TTC23: variants seen among roughly 807,000 people sequenced by gnomAD.
The protein encoded by TTC23 is tetratricopeptide repeat protein 23.
In TTC23, 58 loss-of-function variants were observed where a neutral mutation model predicts 55.1. The ratio of observed to expected loss-of-function variants is 1.05; its 90% confidence interval spans 0.85 to 1.31. The LOEUF (loss-of-function observed/expected upper bound fraction) is 1.31. TTC23 is among the 50% of genes most tolerant of loss of function. The pLI, the probability that TTC23 is intolerant of heterozygous loss-of-function variation, is 0.00. For missense variants in TTC23, 516 were observed against 534.4 expected, an observed-to-expected ratio of 0.97 and a Z score of 0.34; for synonymous variants, 203 against 199.9, an observed-to-expected ratio of 1.02 and a Z score of -0.13.
At chr15:99,164,225 G>T (rs963509471) in intron 10 of TTC23, among the ~76,000 whole-genome samples, 4 of 152,138 alleles carry the variant, frequency 2.6e-5, no homozygotes, top group African/African-American at 9.7e-5. Flanking sequence ...GGCTTTGCAG[G>T]CTGTATGATC....
chr15:99,219,863 A>C lies in TTC23; in HGVS notation c.305-815T>G, dbSNP rs138280056. Among the ~76,000 whole-genome samples the C allele has an allele frequency of 2.5e-3, 374 of 152,334 alleles. 3 individuals are homozygous for C. The highest frequency in any genetic ancestry group is 8.7e-3 in the African/African-American group (363 of 41,572). On this transcript the variant is annotated intron_variant, in intron 6 of 13. Coordinates refer to ENST00000394132, the MANE Select transcript of TTC23 (RefSeq NM_001288615.3). ...AAATTGTATCTTAGATCTCTAAAAA[A>C]ATCTGTCAAAATATGAAGTTAATTC...
chr15:99,145,065 G>T (rs1555492383), intron 12 of TTC23: 1 of 152,218 alleles, frequency 6.6e-6, no homozygotes, highest in African/African-American at 2.4e-5. Context: ...TGGGGGAATT[G>T]AAGGAATAAA....
chr15:99,174,462 C>CAA lies in TTC23; in HGVS notation c.865+586_865+587dup, dbSNP rs34376987. Among the ~76,000 whole-genome samples, 1,287 of 141,066 alleles carry CAA rather than the reference C, an allele frequency of 9.1e-3. 3 individuals carry two copies. The highest frequency in any genetic ancestry group is 0.013 in the African/African-American group (494 of 38,478). The allele number at this position is 141,066 out of a possible 152,430, so 92.5% of individuals were successfully genotyped here. Reference sequence around the variant, plus strand: ...GTACTCCATTTCTGAATATTATGACCAAAAAAAAAAAAAAATCATTAGTAC... The same window carrying CAA: ...GTACTCCATTTCTGAATATTATGACCAAAAAAAAAAAAAAAAATCATTAGTAC... On this transcript the variant is annotated intron_variant, in intron 10 of 13. Coordinates refer to ENST00000394132, the MANE Select transcript of TTC23 (RefSeq NM_001288615.3).
intron 8 of TTC23, 21 bp from the exon 9 acceptor site, chr15:99,200,117 A>C (rs759553800): frequency 7.2e-6 from 11 of 1,537,006 alleles, no homozygotes; most frequent in Non-Finnish European, 9.6e-6. Context: ...CAAAGGAATT[A>C]TTTTATTTAA....
intron 9 of TTC23, among the ~76,000 whole-genome samples, chr15:99,187,846 T>C (rs2074866562): frequency 6.6e-6 from 1 of 151,958 alleles, no homozygotes; most frequent in African/African-American, 2.4e-5. Context: ...TAGTAAGAAG[T>C]GTTGGTGAGG....
intron 1 of TTC23, among the ~76,000 whole-genome samples, chr15:99,246,880 A>G (rs1370485705): frequency 6.6e-6 from 1 of 152,096 alleles, no homozygotes; most frequent in African/African-American, 2.4e-5. Context: ...AGATCGTGGC[A>G]CTCTGCACTC....
rs549762502 is a variant in TTC23 at position 99,218,496 on chromosome 15, C to G, written c.581+92G>C. 5.2e-6 allele frequency: 8 copies of G among 1,537,314 alleles called. No individual in the cohort carries two copies. The African/African-American group carries it at 1.1e-4, about 21-fold the overall frequency. On this transcript the variant is annotated intron_variant, in intron 8 of 13. Transcript: ENST00000394132. ...ACCTCCAGAGAAGCCATGGCCGCAG[C>G]CTCATGGAGATGCTCCTCCTACCTG...
intron 10 of TTC23, among the ~76,000 whole-genome samples, chr15:99,165,132 C>T (rs1299650181): frequency 1.3e-5 from 2 of 152,206 alleles, no homozygotes; most frequent in African/African-American, 4.8e-5. Flanking sequence ...ATAATTGTGG[C>T]TATGGGTCCC....
intron 8 of TTC23, among the ~76,000 whole-genome samples, chr15:99,206,144 T>C (rs2152011292): frequency 6.6e-6 from 1 of 152,334 alleles, no homozygotes; most frequent in East Asian, 1.9e-4. Context: ...TTTGTGTATG[T>C]TGAACCATCC....
chr15:99,187,466 A>AAC lies in TTC23; in HGVS notation c.760-12312_760-12311insGT, dbSNP rs1247662507. ...AAAAGCACAAGCAAAAAAAAAAAAA[A>AAC]AACAAAACAAAAGAAACCCAACATA... On this transcript the variant is annotated intron_variant, in intron 9 of 13. Coordinates refer to ENST00000394132, the MANE Select transcript of TTC23 (RefSeq NM_001288615.3). 1.4e-3 allele frequency among the ~76,000 whole-genome samples: 200 copies of AAC among 145,596 alleles called. 9 individuals carry two copies. The highest frequency in any genetic ancestry group is 5.0e-3 in the African/African-American group (193 of 38,714).
At chr15:99,148,476 C>T (rs2069263369) in intron 12 of TTC23, 1 of 146,922 alleles carries the variant, frequency 6.8e-6, no homozygotes, top group Admixed American at 6.8e-5. Context: ...TTTTAGTGGG[C>T]TTTGAGTTTT....
chr15:99,161,012 C>CA (rs34970118), intron 11 of TTC23: 14,799 of 67,004 alleles, frequency 0.22, 1,125 homozygotes, highest in Admixed American at 0.25. Flanking sequence ...GACTCTGTCT[C>CA]AAAAAAAAAA....
At chr15:99,164,864 C>T (rs1020263425) in intron 10 of TTC23, among the ~76,000 whole-genome samples, 2 of 152,164 alleles carry the variant, frequency 1.3e-5, no homozygotes, top group African/African-American at 4.8e-5. Flanking sequence ...TGTGCTGCTT[C>T]TTGGAGGCAG....
intron 9 of TTC23, among the ~76,000 whole-genome samples, chr15:99,199,289 C>T (rs997466492): frequency 2.0e-5 from 3 of 151,278 alleles, no homozygotes; most frequent in Non-Finnish European, 2.9e-5. Flanking sequence ...TAAGAGAGGC[C>T]GGACCTGGTG....
chr15:99,207,592 A>G (rs1371624640), intron 8 of TTC23, among the ~76,000 whole-genome samples: 1 of 152,138 alleles, frequency 6.6e-6, no homozygotes, highest in African/African-American at 2.4e-5. Flanking sequence ...CCCCGTCTCT[A>G]CTAAAAATAC....
chr15:99,199,880 GC>G, intron 9 of TTC23, 38 bp downstream of exon 9: 1 of 1,572,486 alleles, frequency 6.4e-7, no homozygotes, highest in Non-Finnish European at 8.6e-7. Context: ...AAAGCATTGG[GC>G]CTAGAACAGC....
chr15:99,204,470 C>T (rs1567477348), intron 8 of TTC23, among the ~76,000 whole-genome samples: 1 of 151,902 alleles, frequency 6.6e-6, no homozygotes, highest in Non-Finnish European at 1.5e-5. Context: ...CTTTGCTGTG[C>T]AGAAGGCCTT....
chr15:99,142,072 A>G (rs1450105530), intron 12 of TTC23, among the ~76,000 whole-genome samples: 1 of 152,168 alleles, frequency 6.6e-6, no homozygotes, highest in African/African-American at 2.4e-5. Context: ...CATTGCTTTA[A>G]TGCTTTAGGC....
chr15:99,147,421 T>G (rs1313471604), intron 12 of TTC23, among the ~76,000 whole-genome samples: 1 of 151,672 alleles, frequency 6.6e-6, no homozygotes, highest in Non-Finnish European at 1.5e-5. Context: ...GAGATGGAGT[T>G]TCACTTTGTT....
Sources: gnomAD v4.1 joint callset for allele counts (sites outside exome capture counted in the v4.1 genomes callset) on GRCh38, gnomAD v4.1.1 for gene constraint, MANE v1.5 for transcripts, NCBI Gene and HGNC (gene_info 2026-07-23, HGNC 2026-07-21) for gene names.